LRP5: variants seen among roughly 807,000 people sequenced by gnomAD.
LRP5 encodes low-density lipoprotein receptor-related protein 5.
Under a neutral mutation model 154.1 loss-of-function variants are expected in LRP5, and 62 were observed. That is an observed-to-expected ratio of 0.40 (90% CI 0.33 to 0.50). LRP5 has a LOEUF of 0.50. LRP5 is among the 20% of genes least tolerant of loss of function. LRP5 has a pLI of 0.55. For missense variants in LRP5, 1,915 were observed against 2,336.7 expected, an observed-to-expected ratio of 0.82 and a Z score of 3.72; for synonymous variants, 966 against 1,011.5, an observed-to-expected ratio of 0.96 and a Z score of 0.85.
chr11:68,345,814 G>T (rs940232125), intron 1 of LRP5, among the ~76,000 whole-genome samples: 1 of 152,188 alleles, frequency 6.6e-6, no homozygotes, highest in Non-Finnish European at 1.5e-5. Context: ...AGTTGCTCCA[G>T]ATCCTCACCA....
At chr11:68,377,680 T>TG (rs1411579110) in intron 5 of LRP5, among the ~76,000 whole-genome samples, 2 of 152,282 alleles carry the variant, frequency 1.3e-5, no homozygotes, top group East Asian at 3.9e-4. Flanking sequence ...ATCTGCGCAG[T>TG]GGACAGTGGC....
chr11:68,329,764 G>A lies in LRP5; in HGVS notation c.91+16959G>A, dbSNP rs748692953. Among the ~76,000 whole-genome samples, 6 of 152,146 alleles carry A rather than the reference G, an allele frequency of 3.9e-5. No homozygotes were observed. The South Asian group carries it at 8.3e-4, about 21-fold the overall frequency. On this transcript the variant is annotated intron_variant, in intron 1 of 22. Coordinates refer to ENST00000294304, the MANE Select transcript of LRP5 (RefSeq NM_002335.4). ...TGCTGGCCTCCCACCGGCCATCAGCGCCCCACTGACTGACACCCCTGAGTC... is the reference window on the plus strand; with the variant it reads ...TGCTGGCCTCCCACCGGCCATCAGCACCCCACTGACTGACACCCCTGAGTC...
the LRP5 span, among the ~76,000 whole-genome samples, chr11:68,303,194 TG>T: frequency 6.6e-6 from 1 of 152,212 alleles, no homozygotes; most frequent in African/African-American, 2.4e-5. Context: ...TGCAGTGATG[TG>T]ATCACAGCTC....
intron 5 of LRP5, among the ~76,000 whole-genome samples, chr11:68,369,966 A>T (rs550920850): frequency 2.0e-4 from 30 of 152,108 alleles, no homozygotes; most frequent in African/African-American, 6.7e-4. Context: ...TATCACCTTC[A>T]TGTTGTCACC....
intron 21 of LRP5, among the ~76,000 whole-genome samples, chr11:68,444,157 C>T (rs2098680186): frequency 6.6e-6 from 1 of 152,090 alleles, no homozygotes. Context: ...GTTCCGTCTA[C>T]AGGCTTATTA....
chr11:68,355,606 A>AC (rs1565341032), intron 2 of LRP5, among the ~76,000 whole-genome samples: 1 of 152,044 alleles, frequency 6.6e-6, no homozygotes, highest in Admixed American at 6.5e-5. Flanking sequence ...TCACCTCCAA[A>AC]CAGGGCACAC....
intron 1 of LRP5, among the ~76,000 whole-genome samples, chr11:68,318,025 T>C (rs553216891): frequency 6.6e-6 from 1 of 152,164 alleles, no homozygotes; most frequent in East Asian, 1.9e-4. Context: ...AAACATCTTT[T>C]AGTTTGCCTT....
chr11:68,425,693 G>A (rs1269072532), intron 15 of LRP5, among the ~76,000 whole-genome samples: 1 of 152,246 alleles, frequency 6.6e-6, no homozygotes, highest in Non-Finnish European at 1.5e-5. Flanking sequence ...TGATGAGGTA[G>A]ATGGGTGAAG....
rs12421956 is a variant in LRP5 at position 68,427,243 on chromosome 11, C to T, written c.3637+1056C>T. On this transcript the variant is annotated intron_variant, in intron 16 of 22. Transcript: ENST00000294304. ...TCATTTAGGATTCTGCCTGCCACTGCCTTGCTGTGTCCCAGGGCTTGGGGG... is the reference window on the plus strand; with the variant it reads ...TCATTTAGGATTCTGCCTGCCACTGTCTTGCTGTGTCCCAGGGCTTGGGGG... Among the ~76,000 whole-genome samples, 372 of 152,310 alleles carry T rather than the reference C, an allele frequency of 2.4e-3. 2 individuals carry two copies. The highest frequency in any genetic ancestry group is 4.8e-3 in the Admixed American group (73 of 15,298).
At chr11:68,426,903 C>T (rs2098669090) in intron 16 of LRP5, among the ~76,000 whole-genome samples, 1 of 152,124 alleles carries the variant, frequency 6.6e-6, no homozygotes, top group Non-Finnish European at 1.5e-5. Context: ...GTTGTGGGAT[C>T]GAGGTTCTGT....
At chr11:68,330,564 C>G (rs1334870289) in intron 1 of LRP5, among the ~76,000 whole-genome samples, 2 of 152,238 alleles carry the variant, frequency 1.3e-5, no homozygotes, top group African/African-American at 2.4e-5. Context: ...GTCTGGGAGG[C>G]AAGGACTTGC....
chr11:68,365,647 A>C lies in LRP5; in HGVS notation c.960A>C (p.Thr320=). ...CLLSPSEPFY[T]CACPTGVQLQ... ...TGTCCCCAAGCGAGCCTTTCTACAC[A>C]TGCGCCTGCCCCACGGGTGTGCAGC... is the stretch of plus-strand genomic sequence containing the variant. The change falls in exon 5 of 23, where the codon ACA becomes ACC. Residue 320 remains threonine (T), a synonymous_variant. Transcript: ENST00000294304. The C allele has an allele frequency of 6.4e-7, 1 of 1,574,782 alleles. No homozygotes were observed. Among genetic ancestry groups the C allele is most frequent in the Non-Finnish European group, 8.7e-7 (1 of 1,155,900 alleles).
chr11:68,304,122 C>T, the LRP5 span, among the ~76,000 whole-genome samples: 1 of 152,196 alleles, frequency 6.6e-6, no homozygotes. Flanking sequence ...TTCCACAACC[C>T]TCCCATCACA....
chr11:68,365,227 G>A (rs1409055166), intron 4 of LRP5, among the ~76,000 whole-genome samples: 2 of 151,208 alleles, frequency 1.3e-5, no homozygotes, highest in Admixed American at 6.6e-5. Flanking sequence ...CGAGGAGCTG[G>A]GGAGGGTGTT....
chr11:68,339,805 G>C (rs1048723140), intron 1 of LRP5, among the ~76,000 whole-genome samples: 1 of 152,186 alleles, frequency 6.6e-6, no homozygotes, highest in Non-Finnish European at 1.5e-5. Flanking sequence ...GCGTGTACCT[G>C]TATGTGTACA....
chr11:68,413,715 G>C lies in LRP5; in HGVS notation c.2530G>C (p.Asp844His). The C allele has an allele frequency of 6.2e-7, 1 of 1,613,798 alleles. No individual in the cohort carries two copies. The highest frequency in any genetic ancestry group is 8.5e-7 in the Non-Finnish European group (1 of 1,180,036). ...TCAGGAGCGGGTCGTGATTGCCGACGATCTCCCGCACCCGTTCGGTCTGAC... is the reference window on the plus strand; with the variant it reads ...TCAGGAGCGGGTCGTGATTGCCGACCATCTCCCGCACCCGTTCGGTCTGAC... ...LGQERVVIADDLPHPFGLTQY... is the reference protein window; with the variant it reads ...LGQERVVIADHLPHPFGLTQY... Residue 844 changes from aspartate to histidine, a missense_variant, in exon 12 of 23, where the codon GAT (aspartate) becomes CAT (histidine). Transcript: ENST00000294304. The surrounding 1 kb of genome is among the most constrained non-coding windows in gnomAD (Gnocchi z 5.1).
intron 19 of LRP5, among the ~76,000 whole-genome samples, 199 bp downstream of exon 19, chr11:68,437,198 C>T (rs547696060): frequency 7.9e-5 from 12 of 152,252 alleles, no homozygotes; most frequent in African/African-American, 1.9e-4. Context: ...GCTGTGGGCT[C>T]GGCGGCTACA....
chr11:68,373,193 C>T (rs1285100951), intron 5 of LRP5, among the ~76,000 whole-genome samples: 2 of 152,150 alleles, frequency 1.3e-5, no homozygotes, highest in African/African-American at 2.4e-5. Context: ...GAGTTACAGG[C>T]GAAGACATTT....
chr11:68,433,541 C>A, intron 17 of LRP5, 61 bp from the exon 18 acceptor site: 1 of 1,426,062 alleles, frequency 7.0e-7, no homozygotes, highest in Non-Finnish European at 9.9e-7. Context: ...CCCAGTCACG[C>A]CATTGCCTGG....
Sources: gnomAD v4.1 joint callset for allele counts (sites outside exome capture counted in the v4.1 genomes callset) on GRCh38, gnomAD v4.1.1 for gene constraint, Gnocchi (gnomAD v3.1) non-coding constraint, MANE v1.5 for transcripts, NCBI Gene and HGNC (gene_info 2026-07-23, HGNC 2026-07-21) for gene names.